Variants in PON2 observed in about 807,000 individuals in gnomAD.
PON2 encodes the protein paraoxonase 2.
A neutral mutation model predicts 36.6 loss-of-function variants in PON2; 27 were observed. The ratio of observed to expected loss-of-function variants is 0.74; its 90% CI spans 0.54 to 1.02. The LOEUF (loss-of-function observed/expected upper bound fraction) is 1.02. Among genes scored for constraint, PON2 ranks in the 50% least tolerant of loss-of-function variants. The pLI is 0.00. For synonymous variants in PON2, 149 were observed against 156.3 expected, an observed-to-expected ratio of 0.95 and a Z score of 0.35; for missense variants, 363 against 421.1, an observed-to-expected ratio of 0.86 and a Z score of 1.21.
intron 2 of PON2, among the ~76,000 whole-genome samples, chr7:95,417,690 GACAC>G (rs555142509): frequency 0.094 from 8,777 of 93,758 alleles, 334 homozygotes; most frequent in Non-Finnish European, 0.14. Flanking sequence ...TGTACACACA[GACAC>G]ACACACACAC....
chr7:95,413,266 A>T (rs1256174901), intron 3 of PON2, among the ~76,000 whole-genome samples: 3 of 152,142 alleles, frequency 2.0e-5, no homozygotes, highest in African/African-American at 7.2e-5. Context: ...GCACTACTGC[A>T]CATCAGCCTG....
Position 95,434,963 on chromosome 7 carries a change from C to G in PON2, c.-12G>C. 3 of 1,522,920 alleles carry G rather than the reference C, an allele frequency of 2.0e-6. No individual in the cohort carries two copies. The highest frequency in any genetic ancestry group is 1.2e-5 in the South Asian group (1 of 82,066). 94.3% of individuals were successfully genotyped at this position (1,522,920 alleles called of 1,614,324 possible). ...ACCAGCCGCCCCATGGCGCGGGAGC[C>G]GGGCGCGCTGCCTCGCTCCGGCCTG... On this transcript the variant is annotated 5_prime_UTR_variant, in exon 1 of 9. Transcript: ENST00000222572.
intron 2 of PON2, among the ~76,000 whole-genome samples, chr7:95,420,992 A>C (rs1044559199): frequency 3.9e-5 from 6 of 152,202 alleles, no homozygotes; most frequent in Non-Finnish European, 8.8e-5. Flanking sequence ...CAAAAAAGAA[A>C]AAAAAAAGGA....
At chr7:95,429,950 G>C (rs576892542) in intron 1 of PON2, among the ~76,000 whole-genome samples, 11 of 152,202 alleles carry the variant, frequency 7.2e-5, no homozygotes, top group Non-Finnish European at 1.3e-4. Flanking sequence ...ACTGTATTTG[G>C]AATCAGGAGA....
At chr7:95,405,559 T>C in intron 8 of PON2, 71 bp from the exon 9 acceptor site, 1 of 1,437,854 alleles carries the variant, frequency 7.0e-7, no homozygotes. Context: ...CAATAAGCCC[T>C]GTTTTCCACA....
At chr7:95,429,385 A>G (rs920580158) in intron 1 of PON2, among the ~76,000 whole-genome samples, 11 of 152,176 alleles carry the variant, frequency 7.2e-5, no homozygotes, top group Non-Finnish European at 1.5e-4. Context: ...ATGGCTGCAT[A>G]GTATTCCATG....
rs577530276 is a variant in PON2, at chr7:95,424,016, A to T, written c.145+499T>A. The T allele has an allele frequency of 1.7e-5, 3 of 171,690 alleles. No homozygotes were observed. The East Asian group carries it at 4.7e-4, about 27-fold the overall frequency. 10.6% of individuals were successfully genotyped at this position (171,690 alleles called of 1,614,324 possible). A position where few individuals can be genotyped will look rare whatever the true frequency, so the allele number is the denominator to read the frequency against. ...TGACCTCTCACTGGGTCCCTCCCAC[A>T]ACACGTGGGGATTATGGGAACTACA... On this transcript the variant is annotated intron_variant, in intron 2 of 8. Transcript: ENST00000222572.
chr7:95,425,749 TCA>T lies in PON2; in HGVS notation c.75-1166_75-1165del, dbSNP rs369569052. 1.1e-3 allele frequency among the ~76,000 whole-genome samples: 175 copies of T among 152,306 alleles called. 1 individual carries two copies. Among genetic ancestry groups the T allele is most frequent in the African/African-American group, 3.9e-3 (163 of 41,574 alleles). On this transcript the variant is annotated intron_variant, in intron 1 of 8. Coordinates refer to ENST00000222572, the MANE Select transcript of PON2 (RefSeq NM_000305.3). ...CAACTACACATTTTGGCAATTCATA[TCA>T]GACATAAAGTTTCTAATTAAAATGT...
intron 1 of PON2, 71 bp downstream of exon 1, chr7:95,434,807 C>T: frequency 6.7e-7 from 1 of 1,496,314 alleles, no homozygotes; most frequent in Non-Finnish European, 8.9e-7. Context: ...CCAGCCTGCG[C>T]CCTCCCCGCA....
intron 3 of PON2, chr7:95,412,719 G>A (rs950394020): frequency 1.9e-6 from 1 of 514,200 alleles, no homozygotes; most frequent in Non-Finnish European, 3.5e-6. Flanking sequence ...TAATCAGAAG[G>A]TTGGTGGACT....
At position 95,412,821 on chromosome 7, in the gene PON2, A is replaced by G. The variant is rs17876138; in HGVS notation, c.202-344T>C. The G allele has an allele frequency of 5.2e-3, 1,894 of 362,076 alleles. 34 individuals are homozygous for G. Among genetic ancestry groups the G allele is most frequent in the African/African-American group, 0.035 (1,683 of 47,638 alleles). The allele number at this position is 362,076 out of a possible 1,614,324, so 22.4% of individuals were successfully genotyped here. On this transcript the variant is annotated intron_variant, in intron 3 of 8. Coordinates refer to ENST00000222572, the MANE Select transcript of PON2 (RefSeq NM_000305.3). Reference sequence around the variant, plus strand: ...TCACTGCTAGATCCCAGTGCCTGGAACAGTGCCTGGCATACAGTCCATCCT... The same window carrying G: ...TCACTGCTAGATCCCAGTGCCTGGAGCAGTGCCTGGCATACAGTCCATCCT...
chr7:95,406,803 A>G (rs1237125572), intron 7 of PON2, among the ~76,000 whole-genome samples, 184 bp downstream of exon 7: 1 of 152,174 alleles, frequency 6.6e-6, no homozygotes, highest in Non-Finnish European at 1.5e-5. Context: ...TGCTGCATGT[A>G]ATCATGGTCA....
intron 3 of PON2, 59 bp from the exon 4 acceptor site, chr7:95,412,536 A>G: frequency 1.3e-6 from 2 of 1,527,570 alleles, no homozygotes; most frequent in Non-Finnish European, 1.8e-6. Flanking sequence ...ATGGACTAAC[A>G]TGGGAACTGT....
At chr7:95,424,021 G>A (rs1050447729) in intron 2 of PON2, 14 of 173,228 alleles carry the variant, frequency 8.1e-5, no homozygotes, top group South Asian at 1.4e-4. Flanking sequence ...CCCACAACAC[G>A]TGGGGATTAT....
intron 6 of PON2, among the ~76,000 whole-genome samples, chr7:95,409,231 G>C (rs1211254669): frequency 6.6e-6 from 1 of 152,002 alleles, no homozygotes; most frequent in Non-Finnish European, 1.5e-5. Flanking sequence ...AGAATCACTT[G>C]AACCCAGGAG....
chr7:95,413,115 C>CAAAAAAAA (rs57147177), intron 3 of PON2: 3 of 63,406 alleles, frequency 4.7e-5, no homozygotes, highest in South Asian at 5.7e-4. Context: ...TCTGTCTCTA[C>CAAAAAAAA]AAAAAAAAAA....
Position 95,411,637 on chromosome 7 carries a change from C to T in PON2, c.494+16G>A. The T allele has an allele frequency of 1.9e-6, 3 of 1,613,732 alleles. No homozygotes were observed. On this transcript the variant is annotated intron_variant, in intron 5 of 8. Transcript: ENST00000222572. Reference sequence around the variant, plus strand: ...TGCTGGGGATAAATTAGAGAAGGAACAAAATGAGGAAGTACCTTGGAAGAA... The same window carrying T: ...TGCTGGGGATAAATTAGAGAAGGAATAAAATGAGGAAGTACCTTGGAAGAA...
At chr7:95,417,436 G>A (rs1361180178) in intron 2 of PON2, among the ~76,000 whole-genome samples, 1 of 152,048 alleles carries the variant, frequency 6.6e-6, no homozygotes, top group African/African-American at 2.4e-5. Flanking sequence ...TCACTTTTGG[G>A]CTTCAAAGTA....
At position 95,405,105 on chromosome 7, in the gene PON2, G is replaced by A. The variant is rs2116444761; in HGVS notation, c.*225C>T. ...CAAAATGTATTCACTTTATTCGAAA[G>A]CAGCTTTCTTTTCTGTCCCTTGCTT... On this transcript the variant is annotated 3_prime_UTR_variant, in exon 9 of 9. Coordinates refer to ENST00000222572, the MANE Select transcript of PON2 (RefSeq NM_000305.3). The A allele has an allele frequency of 2.0e-6, 1 of 504,180 alleles. No individual in the cohort carries two copies. The highest frequency in any genetic ancestry group is 3.4e-5 in the East Asian group (1 of 28,996). 31.2% of individuals were successfully genotyped at this position (504,180 alleles called of 1,614,324 possible). A position where few individuals can be genotyped will look rare whatever the true frequency, so the allele number is the denominator to read the frequency against.
Sources: allele counts gnomAD v4.1 joint callset (sites outside exome capture counted in the v4.1 genomes callset), GRCh38; gene constraint gnomAD v4.1.1; transcripts MANE v1.5; gene names NCBI Gene and HGNC (gene_info 2026-07-23, HGNC 2026-07-21).